PIP4K2B: variants seen among roughly 807,000 people sequenced by gnomAD.
PIP4K2B encodes phosphatidylinositol-5-phosphate 4-kinase type 2 beta, also known as phosphatidylinositol 5-phosphate 4-kinase type-2 beta.
PIP4K2B carries 3 observed loss-of-function variants against 42.0 expected under a neutral mutation model. The ratio of observed to expected loss-of-function variants is 0.07; its 90% CI spans 0.03 to 0.18. The LOEUF is 0.18. Ranked by LOEUF, PIP4K2B falls within the 10% of genes least tolerant of loss-of-function variation. The pLI is 1.00. For missense variants in PIP4K2B, 332 were observed against 562.3 expected (o/e 0.59, Z 4.14); for synonymous variants, 204 against 210.1 (o/e 0.97, Z 0.25).
chr17:38,792,861 G>A (rs2143476445), intron 1 of PIP4K2B: 1 of 152,308 alleles, frequency 6.6e-6, no homozygotes, highest in East Asian at 1.9e-4. Context: ...GAGTCCCACT[G>A]CTCCCTGTGA....
At chr17:38,790,642 A>G (rs1910296696) in intron 1 of PIP4K2B, among the ~76,000 whole-genome samples, 1 of 152,138 alleles carries the variant, frequency 6.6e-6, no homozygotes. Flanking sequence ...TATTTTTAGT[A>G]AAGATGGGGT....
At chr17:38,793,647 A>G (rs1399141691) in intron 1 of PIP4K2B, among the ~76,000 whole-genome samples, 1 of 152,158 alleles carries the variant, frequency 6.6e-6, no homozygotes, top group Non-Finnish European at 1.5e-5. Context: ...GAGGTGGGCA[A>G]ATCGCTTGAG....
chr17:38,778,437 G>T, intron 5 of PIP4K2B, 65 bp from the exon 6 acceptor site: 1 of 1,453,740 alleles, frequency 6.9e-7, no homozygotes, highest in Non-Finnish European at 9.7e-7. Flanking sequence ...GAGCAAACAT[G>T]GGAGAGCCAG....
Position 38,798,920 on chromosome 17 carries a change from A to G in PIP4K2B, c.159+346T>C, listed in dbSNP as rs544145562. 4.0e-5 allele frequency among the ~76,000 whole-genome samples: 6 copies of G among 149,708 alleles called. No individual in the cohort carries two copies. The South Asian group carries it at 1.4e-3, about 34-fold the overall frequency. Reference sequence around the variant, plus strand: ...GGGAATATACACCCTCACAAACAGGATGAGGGGGGAGGAGGAGAAGCAGGG... The same window carrying G: ...GGGAATATACACCCTCACAAACAGGGTGAGGGGGGAGGAGGAGAAGCAGGG... On this transcript the variant is annotated intron_variant, in intron 1 of 9. Transcript: ENST00000619039.
At chr17:38,770,889 G>C in intron 8 of PIP4K2B, 125 bp downstream of exon 8, 2 of 1,119,742 alleles carry the variant, frequency 1.8e-6, no homozygotes, top group East Asian at 4.8e-5. Flanking sequence ...TCTGGAGGCA[G>C]AAAGAGGTCA....
intron 1 of PIP4K2B, among the ~76,000 whole-genome samples, chr17:38,794,795 C>T (rs964402558): frequency 3.3e-5 from 5 of 151,660 alleles, no homozygotes; most frequent in Non-Finnish European, 2.9e-5. Context: ...TCAAAAGATA[C>T]CATAAGAAAA....
chr17:38,784,255 A>T lies in PIP4K2B; in HGVS notation c.342T>A (p.Asp114Glu). The change falls in exon 3 of 10, where the codon GAT becomes GAA. Residue 114 changes from aspartate (D) to glutamate (E), a missense_variant. Asp to Glu is a conservative substitution (Grantham distance 45). Coordinates refer to ENST00000619039, the MANE Select transcript of PIP4K2B (RefSeq NM_003559.5). ...RNLRERFGID[D>E]QDYQNSVTRS... ...GGAGCCTCCATACCTGGTAATCCTG[A>T]TCATCAATTCCAAACCTCTCCCGAA... The T allele has an allele frequency of 6.2e-7, 1 of 1,607,992 alleles. No individual in the cohort carries two copies. The highest frequency in any genetic ancestry group is 8.5e-7 in the Non-Finnish European group (1 of 1,174,408).
rs1241421591 is a variant in PIP4K2B, at chr17:38,799,070, G to A, written c.159+196C>T. On this transcript the variant is annotated intron_variant, in intron 1 of 9. Transcript: ENST00000619039. This position sits in a 1 kb window ranked among gnomAD's most constrained non-coding sequence, Gnocchi z 4.4. ...GGGGAGGTGGCGACGGCAGACCACA[G>A]AGACACCAGGCCTCGCGTGGCGTGC... Among the ~76,000 whole-genome samples the A allele has an allele frequency of 2.0e-5, 3 of 152,194 alleles. No homozygotes were observed. Among genetic ancestry groups the A allele is most frequent in the African/African-American group, 4.8e-5 (2 of 41,448 alleles).
chr17:38,792,028 G>A (rs762482530), intron 1 of PIP4K2B, among the ~76,000 whole-genome samples: 4 of 151,852 alleles, frequency 2.6e-5, no homozygotes, highest in Non-Finnish European at 5.9e-5. Context: ...CCCACAAGGC[G>A]GAGCTTGCAG....
chr17:38,781,605 C>A (rs778470270), intron 3 of PIP4K2B, among the ~76,000 whole-genome samples: 8 of 152,140 alleles, frequency 5.3e-5, no homozygotes, highest in Non-Finnish European at 8.8e-5. Context: ...CAGCCTCTAC[C>A]TCCTGGGCTC....
chr17:38,767,557 AAGTT>A lies in PIP4K2B; in HGVS notation c.*2130_*2133del, dbSNP rs1272135914. Reference sequence around the variant, plus strand: ...CACACACACAAACTCAATGTTAAACAAGTTAGATACCTGGTAGTCGTCTTTAACC... The same window carrying A: ...CACACACACAAACTCAATGTTAAACAAGATACCTGGTAGTCGTCTTTAACC... On this transcript the variant is annotated 3_prime_UTR_variant, in exon 10 of 10. Transcript: ENST00000619039. The A allele has an allele frequency of 1.3e-5, 2 of 152,222 alleles. No homozygotes were observed. The highest frequency in any genetic ancestry group is 4.8e-5 in the African/African-American group (2 of 41,444). The allele number at this position is 152,222 out of a possible 1,614,324, so 9.4% of individuals were successfully genotyped here.
chr17:38,774,046 C>A (rs116405692), intron 7 of PIP4K2B, among the ~76,000 whole-genome samples: 1 of 152,180 alleles, frequency 6.6e-6, no homozygotes, highest in African/African-American at 2.4e-5. Context: ...ACTAAGGAAA[C>A]GCTTCCTAGC....
chr17:38,789,833 A>C (rs899242323), intron 1 of PIP4K2B, among the ~76,000 whole-genome samples: 1 of 152,090 alleles, frequency 6.6e-6, no homozygotes, highest in Non-Finnish European at 1.5e-5. Flanking sequence ...CACTAGGTAA[A>C]CTGCTGGCAA....
Position 38,799,151 on chromosome 17 carries a change from C to A in PIP4K2B, c.159+115G>T. Reference sequence around the variant, plus strand: ...AAGGGTGGGGTGGGCGTGCAAGTGGCTTGGCGAGGGGTGGCAGGCGTCACC... The same window carrying A: ...AAGGGTGGGGTGGGCGTGCAAGTGGATTGGCGAGGGGTGGCAGGCGTCACC... On this transcript the variant is annotated intron_variant, in intron 1 of 9. Transcript: ENST00000619039. The surrounding 1 kb of genome is among the most constrained non-coding windows in gnomAD (Gnocchi z 4.4). 8.6e-7 allele frequency: 1 copy of A among 1,160,094 alleles called. No homozygotes were observed. The highest frequency in any genetic ancestry group is 1.2e-6 in the Non-Finnish European group (1 of 864,556). The allele number at this position is 1,160,094 out of a possible 1,614,324, so 71.9% of individuals were successfully genotyped here. A position where few individuals can be genotyped will look rare whatever the true frequency, so the allele number is the denominator to read the frequency against.
chr17:38,777,782 A>G lies in PIP4K2B; in HGVS notation c.712T>C (p.Phe238Leu), dbSNP rs1330361189. 2 of 1,613,964 alleles carry G rather than the reference A, an allele frequency of 1.2e-6. No homozygotes were observed. The highest frequency in any genetic ancestry group is 1.7e-6 in the Non-Finnish European group (2 of 1,179,846). ...DKEKAKDLPT[F>L]KDNDFLNEGQ... Reference sequence around the variant, plus strand: ...TCATTGAGGAAGTCATTGTCTTTGAATGTTGGCAAGTCCTTGGCCTAGGAG... The same window carrying G: ...TCATTGAGGAAGTCATTGTCTTTGAGTGTTGGCAAGTCCTTGGCCTAGGAG... The change falls in exon 7 of 10, where the codon TTC becomes CTC. Residue 238 changes from phenylalanine (F) to leucine (L), a missense_variant. Transcript: ENST00000619039.
chr17:38,775,486 G>T lies in PIP4K2B; in HGVS notation c.807+2201C>A, dbSNP rs545957684. 3.3e-5 allele frequency among the ~76,000 whole-genome samples: 5 copies of T among 152,116 alleles called. No homozygotes were observed. The East Asian group carries it at 9.8e-4, about 30-fold the overall frequency. On this transcript the variant is annotated intron_variant, in intron 7 of 9. Transcript: ENST00000619039. ...GGTCTCCAACTTCTGGCCTCAAGCA[G>T]TCCTTCTGCCTCAGCCTCCTGAGCT...
At chr17:38,796,869 G>A (rs1195724294) in intron 1 of PIP4K2B, among the ~76,000 whole-genome samples, 1 of 152,112 alleles carries the variant, frequency 6.6e-6, no homozygotes, top group Non-Finnish European at 1.5e-5. Context: ...TTTTTTTGAA[G>A]GGAGGAAATC....
At chr17:38,770,726 C>T (rs1395063171) in intron 8 of PIP4K2B, among the ~76,000 whole-genome samples, 187 bp from the exon 9 acceptor site, 4 of 152,092 alleles carry the variant, frequency 2.6e-5, no homozygotes, top group Non-Finnish European at 4.4e-5. Context: ...TTCACAGTCA[C>T]TCTGTGGGGC....
At chr17:38,779,615 T>A in intron 4 of PIP4K2B, 86 bp from the exon 5 acceptor site, 4 of 1,219,264 alleles carry the variant, frequency 3.3e-6, no homozygotes, top group Non-Finnish European at 4.8e-6. Context: ...AAATGCTCCC[T>A]GGCTCCCTGG....
Sources: allele counts gnomAD v4.1 joint callset (sites outside exome capture counted in the v4.1 genomes callset), GRCh38; gene constraint gnomAD v4.1.1; non-coding constraint Gnocchi (gnomAD v3.1); transcripts MANE v1.5; gene names NCBI Gene and HGNC (gene_info 2026-07-23, HGNC 2026-07-21).